MARCO: variants seen among roughly 807,000 people sequenced by gnomAD.
MARCO encodes the protein macrophage receptor with collagenous structure.
Under a neutral mutation model 70.0 loss-of-function variants are expected in MARCO, and 72 were observed. The ratio of observed to expected loss-of-function variants is 1.03; its 90% CI spans 0.85 to 1.25. The LOEUF is 1.25. Among genes scored for constraint, MARCO ranks in the 50% most tolerant of loss-of-function variants. The pLI, the probability that MARCO is intolerant of heterozygous loss-of-function variation, is 0.00. For synonymous variants in MARCO, 273 were observed against 243.1 expected, an observed-to-expected ratio of 1.12 and a Z score of -1.14; for missense variants, 696 against 659.3, an observed-to-expected ratio of 1.06 and a Z score of -0.61.
At chr2:118,992,510 T>A in intron 15 of MARCO, 34 bp downstream of exon 15, 3 of 1,532,090 alleles carry the variant, frequency 2.0e-6, no homozygotes, top group Non-Finnish European at 2.7e-6. Context: ...TAATGTGTGC[T>A]TTAAAGTCAA....
chr2:118,990,382 G>A (rs771428772), intron 12 of MARCO, among the ~76,000 whole-genome samples: 15 of 152,222 alleles, frequency 9.9e-5, no homozygotes, highest in Non-Finnish European at 1.6e-4. Context: ...GTACTTTGCC[G>A]TTTCACCCCC....
intron 12 of MARCO, among the ~76,000 whole-genome samples, chr2:118,989,856 A>G (rs1680588126): frequency 6.6e-6 from 1 of 152,260 alleles, no homozygotes. Flanking sequence ...AATAAAATAA[A>G]TATTGGCACT....
chr2:118,987,422 T>TAA (rs1304580610), intron 12 of MARCO, among the ~76,000 whole-genome samples: 1 of 152,216 alleles, frequency 6.6e-6, no homozygotes, highest in African/African-American at 2.4e-5. Flanking sequence ...AGTGTTCTCT[T>TAA]AGAGTCCAGC....
At chr2:118,951,208 A>T (rs1233224665) in intron 1 of MARCO, among the ~76,000 whole-genome samples, 18 of 152,204 alleles carry the variant, frequency 1.2e-4, no homozygotes, top group Admixed American at 1.2e-3. Flanking sequence ...GGAACCATCT[A>T]TCATCCTGTC....
In MARCO at chr2:118,994,381, A is replaced by T. The variant is rs756116754; in HGVS notation, c.1430-6A>T. The T allele has an allele frequency of 6.2e-7, 1 of 1,613,902 alleles. No individual in the cohort carries two copies. Among genetic ancestry groups the T allele is most frequent in the East Asian group, 2.2e-5 (1 of 44,852 alleles). On this transcript the variant is annotated splice_region_variant and splice_polypyrimidine_tract_variant and intron_variant, in intron 16 of 16. Coordinates refer to ENST00000327097, the MANE Select transcript of MARCO (RefSeq NM_006770.4). The stretch of plus-strand genomic sequence containing the variant: ...TTCCTCTGTCTCTTGCTTTCTCTCT[A>T]TCAAGGCACTGGGCAGATCTGGCTG...
chr2:118,949,698 A>G (rs1177459626), intron 1 of MARCO: 2 of 152,204 alleles, frequency 1.3e-5, no homozygotes, highest in African/African-American at 2.4e-5. Flanking sequence ...TGACCCAGGA[A>G]CAATGGCCCA....
At position 118,963,273 on chromosome 2, in the gene MARCO, A is replaced by T. The variant is rs115665998; in HGVS notation, c.98-5887A>T. 0.012 allele frequency among the ~76,000 whole-genome samples: 1,885 copies of T among 151,668 alleles called. 94 individuals carry two copies. The South Asian group carries it at 0.13, about 10-fold the overall frequency. On this transcript the variant is annotated intron_variant, in intron 1 of 16. Transcript: ENST00000327097. ...AGAGCTGCTTTTTTTTATCCCATAA[A>T]TTTTAATATATTGTATTTTCATTTC...
intron 12 of MARCO, among the ~76,000 whole-genome samples, chr2:118,985,308 CCACCCCAGCCA>C (rs1362309977): frequency 1.3e-5 from 2 of 152,098 alleles, no homozygotes; most frequent in African/African-American, 4.8e-5. Flanking sequence ...CACCCTGTCC[CCACCCCAGCCA>C]CACCTCCCAC....
At position 118,969,038 on chromosome 2, in the gene MARCO, T is replaced by C. The variant is rs956263224; in HGVS notation, c.98-122T>C. Reference sequence around the variant, plus strand: ...TGATTTGGGAGTCATGAGCTTTTGGTGTCTTTCCCAGCTGACCTCACAGGG... The same window carrying C: ...TGATTTGGGAGTCATGAGCTTTTGGCGTCTTTCCCAGCTGACCTCACAGGG... On this transcript the variant is annotated intron_variant, in intron 1 of 16. Transcript: ENST00000327097. 3 of 702,228 alleles carry C rather than the reference T, an allele frequency of 4.3e-6. No individual in the cohort carries two copies. The African/African-American group carries it at 5.3e-5, about 12-fold the overall frequency. The allele number at this position is 702,228 out of a possible 1,614,324, so 43.5% of individuals were successfully genotyped here.
At chr2:118,976,041 C>T (rs1320639678) in intron 6 of MARCO, among the ~76,000 whole-genome samples, 1 of 152,082 alleles carries the variant, frequency 6.6e-6, no homozygotes, top group African/African-American at 2.4e-5. Flanking sequence ...GACTGAAACT[C>T]ACCAGAGTGG....
intron 8 of MARCO, among the ~76,000 whole-genome samples, chr2:118,979,948 A>T (rs1680358200): frequency 6.6e-6 from 1 of 152,196 alleles, no homozygotes; most frequent in Non-Finnish European, 1.5e-5. Context: ...TACAGTTGGG[A>T]AGTTCTGAAG....
chr2:118,966,785 A>T (rs556895437), intron 1 of MARCO, among the ~76,000 whole-genome samples: 2 of 152,286 alleles, frequency 1.3e-5, no homozygotes, highest in South Asian at 4.2e-4. Flanking sequence ...TGTTTGTTTC[A>T]TAAAATTTAG....
intron 16 of MARCO, 114 bp from the exon 17 acceptor site, chr2:118,994,273 A>T: frequency 8.9e-7 from 1 of 1,129,554 alleles, no homozygotes; most frequent in Non-Finnish European, 1.3e-6. Context: ...GGCCAGAATG[A>T]GTGAGAAGTC....
At chr2:118,961,911 G>A (rs1679955348) in intron 1 of MARCO, among the ~76,000 whole-genome samples, 3 of 152,096 alleles carry the variant, frequency 2.0e-5, no homozygotes, top group African/African-American at 4.8e-5. Context: ...TGTAAGAAAG[G>A]GATCCAGTTT....
intron 12 of MARCO, among the ~76,000 whole-genome samples, chr2:118,987,038 G>A (rs1186537345): frequency 3.3e-5 from 5 of 152,170 alleles, no homozygotes; most frequent in Non-Finnish European, 7.4e-5. Flanking sequence ...CCTGGGAGCA[G>A]GAACAATTGA....
rs144107331 is a variant in MARCO at position 118,977,176 on chromosome 2, G to A, written c.614-295G>A. On this transcript the variant is annotated intron_variant, in intron 6 of 16. Coordinates refer to ENST00000327097, the MANE Select transcript of MARCO (RefSeq NM_006770.4). Reference sequence around the variant, plus strand: ...CCCCACTAGGACCTGCTGCATTAAGGACCAGGCTTCCAATGCATGAACTTT... The same window carrying A: ...CCCCACTAGGACCTGCTGCATTAAGAACCAGGCTTCCAATGCATGAACTTT... 3.3e-3 allele frequency among the ~76,000 whole-genome samples: 497 copies of A among 150,386 alleles called. 4 individuals are homozygous for A. The highest frequency in any genetic ancestry group is 0.011 in the African/African-American group (474 of 41,232).
intron 1 of MARCO, among the ~76,000 whole-genome samples, chr2:118,966,397 T>C (rs1317704072): frequency 2.6e-5 from 4 of 152,204 alleles, no homozygotes; most frequent in East Asian, 3.8e-4. Flanking sequence ...AATAGGTGTT[T>C]TCTTTATAGT....
At chr2:118,963,039 T>C (rs1271842421) in intron 1 of MARCO, among the ~76,000 whole-genome samples, 1 of 151,902 alleles carries the variant, frequency 6.6e-6, no homozygotes, top group East Asian at 1.9e-4. Flanking sequence ...ATTGACTTTG[T>C]TCAAAGAGCT....
chr2:118,973,091 T>C (rs1013604181), intron 4 of MARCO, among the ~76,000 whole-genome samples: 2 of 152,124 alleles, frequency 1.3e-5, no homozygotes, highest in Non-Finnish European at 2.9e-5. Flanking sequence ...TCTCTCTCTC[T>C]GTCTCTCTGA....
Sources: gnomAD v4.1 joint callset for allele counts (sites outside exome capture counted in the v4.1 genomes callset) on GRCh38, gnomAD v4.1.1 for gene constraint, MANE v1.5 for transcripts, NCBI Gene and HGNC (gene_info 2026-07-23, HGNC 2026-07-21) for gene names.